Variants in TSHZ2 observed in about 807,000 individuals in gnomAD.
TSHZ2 encodes the protein teashirt zinc finger homeobox 2.
A neutral mutation model predicts 74.4 loss-of-function variants in TSHZ2; 21 were observed. That is an observed-to-expected ratio of 0.28 (90% confidence interval 0.20 to 0.41). The LOEUF is 0.41. TSHZ2 is among the 10% of genes least tolerant of loss of function. TSHZ2 has a pLI of 1.00. For synonymous variants in TSHZ2, 540 were observed against 515.3 expected, an observed-to-expected ratio of 1.05 and a Z score of -0.65; for missense variants, 1,244 against 1,293.5, an observed-to-expected ratio of 0.96 and a Z score of 0.59.
At chr20:53,459,156 G>C (rs1415347810) in intron 2 of TSHZ2, among the ~76,000 whole-genome samples, 7 of 152,244 alleles carry the variant, frequency 4.6e-5, no homozygotes, top group Admixed American at 4.6e-4. Context: ...TGACAGTGGG[G>C]TGTTAAAGAC....
At chr20:53,098,420 G>T (rs1986121163) in intron 1 of TSHZ2, among the ~76,000 whole-genome samples, 1 of 152,166 alleles carries the variant, frequency 6.6e-6, no homozygotes, top group African/African-American at 2.4e-5. Flanking sequence ...CAGCCATTTT[G>T]TTCATTCTTT....
At chr20:53,438,821 G>A (rs982579317) in intron 2 of TSHZ2, among the ~76,000 whole-genome samples, 16 of 152,156 alleles carry the variant, frequency 1.1e-4, no homozygotes, top group Admixed American at 3.3e-4. Context: ...TTAGCCAGAC[G>A]TGGTGGCACA....
chr20:53,419,983 G>A (rs190127724), intron 2 of TSHZ2, among the ~76,000 whole-genome samples: 40 of 152,306 alleles, frequency 2.6e-4, no homozygotes, highest in African/African-American at 6.3e-4. Context: ...TCTCTGCACC[G>A]TATATAAAGC....
At chr20:53,376,481 G>T (rs79106557) in intron 2 of TSHZ2, among the ~76,000 whole-genome samples, 2,101 of 152,258 alleles carry the variant, frequency 0.014, 58 homozygotes, top group African/African-American at 0.048. Flanking sequence ...ATTCTCTTCT[G>T]CATATCTTCC....
At chr20:53,168,720 T>C (rs1988120170) in intron 1 of TSHZ2, 1 of 152,236 alleles carries the variant, frequency 6.6e-6, no homozygotes, top group African/African-American at 2.4e-5. Flanking sequence ...TGCAACCTTC[T>C]TTCCAGGGTA....
intron 2 of TSHZ2, among the ~76,000 whole-genome samples, chr20:53,264,901 G>A (rs1480173098): frequency 6.6e-6 from 1 of 152,142 alleles, no homozygotes; most frequent in African/African-American, 2.4e-5. Flanking sequence ...ATGGCTTACA[G>A]GGAACTCAGG....
In TSHZ2 at chr20:53,131,840, A is replaced by AC. The variant is rs1394825463; in HGVS notation, c.41-121659_41-121658insC. The stretch of plus-strand genomic sequence containing the variant: ...GACAACCCCCCCCCCCCCCCAAAAA[A>AC]AAAAAGCCACACTAGCAATCCTAGT... On this transcript the variant is annotated intron_variant, in intron 1 of 2. Transcript: ENST00000371497. Among the ~76,000 whole-genome samples the AC allele has an allele frequency of 5.6e-3, 800 of 142,094 alleles. 9 individuals are homozygous for AC. Among genetic ancestry groups the AC allele is most frequent in the Non-Finnish European group, 9.8e-3 (633 of 64,904 alleles). The allele number at this position is 142,094 out of a possible 152,430, so 93.2% of individuals were successfully genotyped here. A position where few individuals can be genotyped will look rare whatever the true frequency, so the allele number is the denominator to read the frequency against.
chr20:53,451,562 T>C (rs1045568470), intron 2 of TSHZ2, among the ~76,000 whole-genome samples: 1 of 152,216 alleles, frequency 6.6e-6, no homozygotes, highest in Non-Finnish European at 1.5e-5. Context: ...TAATTCTTTA[T>C]CTGGGTAACT....
chr20:53,224,631 C>T (rs1175294991), intron 1 of TSHZ2, among the ~76,000 whole-genome samples: 3 of 152,144 alleles, frequency 2.0e-5, no homozygotes, highest in African/African-American at 7.2e-5. Flanking sequence ...GGATGAATCA[C>T]CTGAGGTCAG....
intron 2 of TSHZ2, among the ~76,000 whole-genome samples, chr20:53,258,049 G>T (rs1990518757): frequency 6.6e-6 from 1 of 152,158 alleles, no homozygotes; most frequent in Admixed American, 6.5e-5. Context: ...TATCTGACCT[G>T]GGACTTTCCC....
chr20:53,471,950 C>T (rs915670662), intron 2 of TSHZ2, among the ~76,000 whole-genome samples: 2 of 151,920 alleles, frequency 1.3e-5, no homozygotes, highest in Non-Finnish European at 2.9e-5. Context: ...AGATTACAGG[C>T]ATGTGCCACC....
intron 1 of TSHZ2, among the ~76,000 whole-genome samples, chr20:53,142,714 C>T (rs1235011848): frequency 6.6e-6 from 1 of 152,014 alleles, no homozygotes; most frequent in African/African-American, 2.4e-5. Flanking sequence ...GTGTGGCCTA[C>T]TCATTTGCAG....
At chr20:53,205,991 C>T (rs1388498797) in intron 1 of TSHZ2, among the ~76,000 whole-genome samples, 1 of 152,154 alleles carries the variant, frequency 6.6e-6, no homozygotes, top group Non-Finnish European at 1.5e-5. Context: ...GAGGCCAAGG[C>T]GGGTGGATCA....
At chr20:53,258,944 G>T (rs969550921) in intron 2 of TSHZ2, among the ~76,000 whole-genome samples, 1 of 152,154 alleles carries the variant, frequency 6.6e-6, no homozygotes, top group Non-Finnish European at 1.5e-5. Context: ...TGCAGGTACT[G>T]GCTGTGTTTG....
intron 2 of TSHZ2, among the ~76,000 whole-genome samples, chr20:53,450,883 A>C (rs1170772870): frequency 2.0e-5 from 3 of 147,090 alleles, no homozygotes; most frequent in Admixed American, 2.0e-4. Flanking sequence ...AAAGGTGCCA[A>C]GTAGTGGCTT....
At chr20:53,162,681 G>A (rs893951926) in intron 1 of TSHZ2, among the ~76,000 whole-genome samples, 12 of 152,146 alleles carry the variant, frequency 7.9e-5, no homozygotes, top group Non-Finnish European at 1.3e-4. Flanking sequence ...CATTAGTGGG[G>A]GTGTTGCATG....
At chr20:53,189,541 T>C (rs1453395322) in intron 1 of TSHZ2, among the ~76,000 whole-genome samples, 1 of 152,184 alleles carries the variant, frequency 6.6e-6, no homozygotes, top group African/African-American at 2.4e-5. Flanking sequence ...AACAAATTCA[T>C]AAAGTGTTTG....
intron 1 of TSHZ2, among the ~76,000 whole-genome samples, chr20:53,109,518 G>A (rs1986471276): frequency 6.6e-6 from 1 of 152,150 alleles, no homozygotes; most frequent in Non-Finnish European, 1.5e-5. Context: ...AACCCTAGCT[G>A]GACCTGAAGA....
chr20:53,261,495 G>A (rs892423342), intron 2 of TSHZ2, among the ~76,000 whole-genome samples: 2 of 152,164 alleles, frequency 1.3e-5, no homozygotes, highest in African/African-American at 4.8e-5. Context: ...AATGAGAACT[G>A]AGGAAACAGG....
Sources: allele counts gnomAD v4.1 joint callset (sites outside exome capture counted in the v4.1 genomes callset), GRCh38; gene constraint gnomAD v4.1.1; transcripts MANE v1.5; gene names NCBI Gene and HGNC (gene_info 2026-07-23, HGNC 2026-07-21).